The following EFHC2 variants were observed in gnomAD, a reference collection of about 807,000 sequenced individuals.
EFHC2 encodes EF-hand domain containing 2.
EFHC2 carries 18 observed loss-of-function variants against 52.7 expected under a neutral mutation model. That is an observed-to-expected ratio of 0.34 (90% CI 0.24 to 0.51). EFHC2 has a LOEUF of 0.51. EFHC2 is among the 20% of genes least tolerant of loss of function. EFHC2 has a pLI of 0.97. For synonymous variants in EFHC2, 203 were observed against 204.1 expected, an observed-to-expected ratio of 0.99 and a Z score of 0.04; for missense variants, 513 against 562.5, an observed-to-expected ratio of 0.91 and a Z score of 0.89.
At chrX:44,260,516 GTC>G (rs2037530260) in intron 4 of EFHC2, among the ~76,000 whole-genome samples, 1 of 111,274 alleles carries the variant, frequency 9.0e-6, no homozygotes, top group African/African-American at 3.3e-5. Context: ...ACTAGCTGGG[GTC>G]AGACCTTGTA....
intron 2 of EFHC2, among the ~76,000 whole-genome samples, chrX:44,280,120 CCAAGTGATTA>C (rs1450879689): frequency 1.8e-5 from 2 of 108,347 alleles, no homozygotes; most frequent in East Asian, 5.8e-4. Flanking sequence ...TTAAAGCTCC[CCAAGTGATTA>C]CAAACTGCAA....
At chrX:44,225,957 C>T (rs2037229431) in intron 11 of EFHC2, among the ~76,000 whole-genome samples, 1 of 112,006 alleles carries the variant, frequency 8.9e-6, no homozygotes, top group Non-Finnish European at 1.9e-5. Context: ...ACATCTATTG[C>T]ACTTGGCAGG....
At chrX:44,183,151 A>G (rs2036848298) in intron 11 of EFHC2, among the ~76,000 whole-genome samples, 3 of 112,013 alleles carry the variant, frequency 2.7e-5, no homozygotes, top group Non-Finnish European at 1.9e-5. Flanking sequence ...TTTAGCATAA[A>G]CAAGGGCTCA....
At chrX:44,167,990 A>C (rs73628312) in intron 13 of EFHC2, among the ~76,000 whole-genome samples, 3,274 of 111,819 alleles carry the variant, frequency 0.029, 137 homozygotes, top group African/African-American at 0.1. Context: ...ATTGGAAAAA[A>C]GACCACGGTA....
At chrX:44,340,670 A>G (rs2038146941) in intron 1 of EFHC2, among the ~76,000 whole-genome samples, 1 of 111,800 alleles carries the variant, frequency 8.9e-6, no homozygotes, top group Non-Finnish European at 1.9e-5. Flanking sequence ...AAAAAAAAGC[A>G]GTGACCAATA....
At chrX:44,256,611 C>T (rs1288401047) in intron 4 of EFHC2, among the ~76,000 whole-genome samples, 2 of 111,641 alleles carry the variant, frequency 1.8e-5, no homozygotes, top group African/African-American at 6.5e-5. Context: ...ATAGACCAAC[C>T]AATAACAAGT....
intron 1 of EFHC2, among the ~76,000 whole-genome samples, chrX:44,339,256 G>A (rs1302941647): frequency 4.5e-5 from 5 of 111,010 alleles, no homozygotes; most frequent in African/African-American, 1.6e-4. Flanking sequence ...ATCAGGATGG[G>A]CCACACAACC....
intron 11 of EFHC2, among the ~76,000 whole-genome samples, chrX:44,212,736 G>C (rs1569284996): frequency 9.0e-6 from 1 of 110,528 alleles, no homozygotes; most frequent in East Asian, 2.8e-4. Flanking sequence ...TTTTGAGACA[G>C]AGTCTCACTC....
At chrX:44,300,408 C>T (rs1306547611) in intron 2 of EFHC2, among the ~76,000 whole-genome samples, 1 of 111,398 alleles carries the variant, frequency 9.0e-6, no homozygotes, top group Non-Finnish European at 1.9e-5. Context: ...GGACTTCCAG[C>T]CTCCAGAACT....
intron 14 of EFHC2, among the ~76,000 whole-genome samples, chrX:44,157,798 C>G (rs1359271139): frequency 9.7e-6 from 1 of 103,483 alleles, no homozygotes; most frequent in African/African-American, 3.5e-5. Flanking sequence ...GTCCCTTTAT[C>G]AAATCCATCT....
At chrX:44,281,633 G>C (rs1485446671) in intron 2 of EFHC2, among the ~76,000 whole-genome samples, 2 of 111,932 alleles carry the variant, frequency 1.8e-5, no homozygotes, top group Non-Finnish European at 3.8e-5. Flanking sequence ...GACATTGCAG[G>C]CTTGGGAGAA....
Position 44,147,983 on chromosome X carries a change from G to C in EFHC2, c.*812C>G, listed in dbSNP as rs1440092176. 9.1e-6 allele frequency: 1 copy of C among 110,005 alleles called. No homozygotes were observed. Among genetic ancestry groups the C allele is most frequent in the African/African-American group, 3.3e-5 (1 of 30,168 alleles). The allele number at this position is 110,005 out of a possible 1,213,427, so 9.1% of individuals were successfully genotyped here. ...AAAAATGCAGGGGAAAAATGTTGTA[G>C]TTTCTGAATATTTAAACCTCTAGGG... On this transcript the variant is annotated 3_prime_UTR_variant, in exon 15 of 15. Transcript: ENST00000420999.
chrX:44,336,616 G>A (rs1339046202), intron 1 of EFHC2, among the ~76,000 whole-genome samples: 1 of 111,465 alleles, frequency 9.0e-6, no homozygotes, highest in East Asian at 2.8e-4. Context: ...CCATTCATAG[G>A]AGAGCAATGA....
intron 2 of EFHC2, among the ~76,000 whole-genome samples, chrX:44,306,664 C>T (rs976719443): frequency 3.6e-5 from 4 of 112,148 alleles, no homozygotes; most frequent in Non-Finnish European, 7.5e-5. Context: ...TTGCAAAAGG[C>T]ATTTTCTCTG....
chrX:44,228,393 A>G (rs897925399), intron 11 of EFHC2, among the ~76,000 whole-genome samples: 7 of 111,644 alleles, frequency 6.3e-5, no homozygotes, highest in Non-Finnish European at 9.4e-5. Flanking sequence ...ACAAATAATA[A>G]AACGAAACCA....
intron 11 of EFHC2, among the ~76,000 whole-genome samples, chrX:44,203,419 C>A (rs2037021828): frequency 9.0e-6 from 1 of 111,269 alleles, no homozygotes; most frequent in African/African-American, 3.3e-5. Context: ...CTAATGGTAG[C>A]CATCAGAAAG....
Position 44,242,270 on chromosome X carries a change from T to A in EFHC2, c.1131A>T (p.Ser377=). Residue 377 remains serine, a synonymous_variant, in exon 8 of 15, where the codon TCA becomes TCT. Coordinates refer to ENST00000420999, the MANE Select transcript of EFHC2 (RefSeq NM_025184.4). ...TTGGAGGAGGAGAAGGAGGCTTGCA[T>A]GAAACTGAGGTAAAGTTCTCTAGAA... ...KYGIENFTSV[S]CKPPSPPPKI... The A allele has an allele frequency of 4.1e-6, 5 of 1,208,270 alleles. No homozygotes were observed. In the South Asian group the frequency reaches 7.2e-5, roughly 17 times the overall value.
intron 13 of EFHC2, among the ~76,000 whole-genome samples, chrX:44,175,892 C>G (rs2036782316): frequency 9.0e-6 from 1 of 111,661 alleles, no homozygotes; most frequent in Admixed American, 9.5e-5. Context: ...ATCTGGTGCT[C>G]TATCAGGACA....
chrX:44,310,319 T>C, intron 2 of EFHC2: 1 of 912,413 alleles, frequency 1.1e-6, no homozygotes, highest in Non-Finnish European at 1.6e-6. Context: ...CGCGGGCTCC[T>C]GGAAGATCCT....
Sources: allele counts gnomAD v4.1 joint callset (sites outside exome capture counted in the v4.1 genomes callset), GRCh38; gene constraint gnomAD v4.1.1; transcripts MANE v1.5; gene names NCBI Gene and HGNC (gene_info 2026-07-23, HGNC 2026-07-21).